Variants in ENTREP2 observed in about 807,000 individuals in gnomAD.
The protein encoded by ENTREP2 is protein ENTREP2.
chr15:29,610,714 C>T, the ENTREP2 span: 6 of 150,264 alleles, frequency 4.0e-5, 1 homozygote, highest in South Asian at 4.3e-4. Flanking sequence ...AGATTGACCT[C>T]GTAATGTTTT....
the ENTREP2 span, among the ~76,000 whole-genome samples, chr15:29,298,400 A>G: frequency 1.3e-5 from 2 of 152,288 alleles, no homozygotes; most frequent in East Asian, 3.9e-4. Context: ...GCAATGAAAT[A>G]AAATTTCAAA....
the ENTREP2 span, among the ~76,000 whole-genome samples, chr15:29,439,617 A>G: frequency 6.6e-6 from 1 of 152,178 alleles, no homozygotes; most frequent in Non-Finnish European, 1.5e-5. Flanking sequence ...TCCACTCTAG[A>G]ATGCTAACAT....
the ENTREP2 span, chr15:29,128,928 A>C: frequency 4.3e-6 from 5 of 1,153,486 alleles, no homozygotes; most frequent in Middle Eastern, 2.2e-4. Flanking sequence ...AGCAGCCTCC[A>C]GTAGTGTAGG....
the ENTREP2 span, among the ~76,000 whole-genome samples, chr15:29,548,678 G>T: frequency 1.3e-5 from 2 of 152,102 alleles, no homozygotes; most frequent in Admixed American, 1.3e-4. Context: ...AAAATCATAA[G>T]AGACTTCCAG....
the ENTREP2 span, among the ~76,000 whole-genome samples, chr15:29,201,460 TAA>T: frequency 3.3e-5 from 5 of 152,368 alleles, no homozygotes; most frequent in East Asian, 9.6e-4. Flanking sequence ...CCTATTTTTC[TAA>T]GTTTCCTTTT....
the ENTREP2 span, among the ~76,000 whole-genome samples, chr15:29,191,997 A>C: frequency 6.6e-6 from 1 of 152,162 alleles, no homozygotes; most frequent in African/African-American, 2.4e-5. Context: ...ACCCAGGCTG[A>C]TGGCACTGCC....
the ENTREP2 span, among the ~76,000 whole-genome samples, chr15:29,169,527 C>T: frequency 6.6e-6 from 1 of 152,082 alleles, no homozygotes; most frequent in Non-Finnish European, 1.5e-5. Flanking sequence ...CCTCGTGAAC[C>T]TAGATGCAAA....
At chr15:29,521,861 A>C in the ENTREP2 span, among the ~76,000 whole-genome samples, 5 of 151,262 alleles carry the variant, frequency 3.3e-5, no homozygotes, top group Non-Finnish European at 4.4e-5. Context: ...CATACACTTA[A>C]ACACACACAC....
chr15:29,439,437 G>C, the ENTREP2 span, among the ~76,000 whole-genome samples: 1 of 151,812 alleles, frequency 6.6e-6, no homozygotes, highest in African/African-American at 2.4e-5. Context: ...CAACCTAAAG[G>C]CCAAAATAAA....
the ENTREP2 span, among the ~76,000 whole-genome samples, chr15:29,335,354 G>A: frequency 6.6e-6 from 1 of 152,174 alleles, no homozygotes; most frequent in Non-Finnish European, 1.5e-5. Context: ...GCAAAGGCCT[G>A]CACTATCTTT....
the ENTREP2 span, among the ~76,000 whole-genome samples, chr15:29,306,505 A>G: frequency 4.6e-5 from 7 of 152,074 alleles, no homozygotes; most frequent in African/African-American, 1.7e-4. Flanking sequence ...CCACATGACA[A>G]TGTCTTAGTT....
chr15:29,324,982 T>C, the ENTREP2 span, among the ~76,000 whole-genome samples: 2 of 152,288 alleles, frequency 1.3e-5, no homozygotes, highest in East Asian at 3.9e-4. Context: ...ACTGAAATCA[T>C]ACAAAGTATG....
At chr15:29,583,547 C>T in the ENTREP2 span, among the ~76,000 whole-genome samples, 14 of 152,100 alleles carry the variant, frequency 9.2e-5, no homozygotes, top group African/African-American at 3.1e-4. Flanking sequence ...GGGCTTAATA[C>T]CTAGGTGATG....
the ENTREP2 span, among the ~76,000 whole-genome samples, chr15:29,470,152 CACAG>C: frequency 6.6e-6 from 1 of 152,182 alleles, no homozygotes; most frequent in Non-Finnish European, 1.5e-5. Context: ...ACACACATAC[CACAG>C]ACAGTCACGG....
the ENTREP2 span, among the ~76,000 whole-genome samples, chr15:29,416,333 A>C: frequency 6.6e-6 from 1 of 152,218 alleles, no homozygotes; most frequent in Non-Finnish European, 1.5e-5. Context: ...AGCCCTCAGA[A>C]ATAATGCCGC....
the ENTREP2 span, among the ~76,000 whole-genome samples, chr15:29,356,292 ATATATTTTTTTTTT>A: frequency 3.5e-4 from 21 of 59,374 alleles, no homozygotes; most frequent in Non-Finnish European, 6.0e-4. Flanking sequence ...ATATATATAT[ATATATTTTTTTTTT>A]TTTTTTTTTT....
At chr15:29,127,298 C>T in the ENTREP2 span, among the ~76,000 whole-genome samples, 1 of 152,288 alleles carries the variant, frequency 6.6e-6, no homozygotes, top group South Asian at 2.1e-4. Flanking sequence ...CCTCCCATCA[C>T]CAGGTGCCCT....
the ENTREP2 span, among the ~76,000 whole-genome samples, chr15:29,306,739 CAGTGCAGTGGTGTGATCACCCAGGCTGG>C: frequency 1.5e-4 from 18 of 123,420 alleles, no homozygotes; most frequent in Non-Finnish European, 2.4e-4. Context: ...ACCCAGGCTG[CAGTGCAGTGGTGTGATCACCCAGGCTGG>C]AGTGCAGTGG....
At chr15:29,410,861 C>A in the ENTREP2 span, among the ~76,000 whole-genome samples, 1 of 152,244 alleles carries the variant, frequency 6.6e-6, no homozygotes, top group Non-Finnish European at 1.5e-5. Flanking sequence ...TCTCAGCTCA[C>A]TGCAACCTCC....
Sources: gnomAD v4.1 joint callset for allele counts (sites outside exome capture counted in the v4.1 genomes callset) on GRCh38, gnomAD v4.1.1 for gene constraint, MANE v1.5 for transcripts, NCBI Gene and HGNC (gene_info 2026-07-23, HGNC 2026-07-21) for gene names.